The following GSTT4 variants were observed in gnomAD, a reference collection of about 807,000 sequenced individuals.
GSTT4 encodes the protein glutathione S-transferase theta-4.
chr22:24,002,902 A>T (rs80286321), intron 2 of GSTT4, among the ~76,000 whole-genome samples: 3,294 of 151,986 alleles, frequency 0.022, 8 homozygotes, highest in African/African-American at 0.076. Flanking sequence ...TTAGGAGATA[A>T]TCATAGAGTT....
the GSTT4 span, among the ~76,000 whole-genome samples, chr22:23,991,680 C>T: frequency 0.24 from 32,533 of 134,478 alleles, 1,159 homozygotes; most frequent in African/African-American, 0.43. Context: ...GCTCCTAGAA[C>T]TTTGGGTCAA....
chr22:23,995,147 T>G (rs59741715), downstream of GSTT4, among the ~76,000 whole-genome samples: 27,533 of 151,788 alleles, frequency 0.18, 2,729 homozygotes, highest in African/African-American at 0.25. Context: ...GTTTGTTTTT[T>G]TTTTGAGTCA....
chr22:23,995,226 G>A (rs890727864), downstream of GSTT4, among the ~76,000 whole-genome samples: 2 of 150,394 alleles, frequency 1.3e-5, no homozygotes, highest in African/African-American at 4.9e-5. Flanking sequence ...TCTGCTTCCC[G>A]GATTCAAGCG....
downstream of GSTT4, among the ~76,000 whole-genome samples, chr22:23,997,522 C>G (rs2034128743): frequency 6.6e-6 from 1 of 152,056 alleles, no homozygotes; most frequent in Admixed American, 6.6e-5. Flanking sequence ...TGCACCCAGC[C>G]TCCACTTTCT....
chr22:23,995,128 T>TTTGG (rs1464039719), downstream of GSTT4, among the ~76,000 whole-genome samples: 11 of 151,084 alleles, frequency 7.3e-5, no homozygotes, highest in African/African-American at 2.7e-4. Context: ...ACAAGTTTTT[T>TTTGG]TTTTGTTTGT....
chr22:24,003,379 T>G (rs8141242), intron 2 of GSTT4, among the ~76,000 whole-genome samples: 24,886 of 152,060 alleles, frequency 0.16, 2,090 homozygotes, highest in African/African-American at 0.19. Context: ...CTGGCTAATT[T>G]TTGTATTTTT....
At chr22:24,004,657 A>G (rs1056997204) in intron 1 of GSTT4, 6 of 154,152 alleles carry the variant, frequency 3.9e-5, no homozygotes, top group Admixed American at 1.3e-4. Context: ...GAATCCCACA[A>G]GGAAGCCAGG....
chr22:23,990,963 G>C, the GSTT4 span, among the ~76,000 whole-genome samples: 18 of 101,472 alleles, frequency 1.8e-4, 4 homozygotes, highest in Non-Finnish European at 3.7e-4. Flanking sequence ...TTGAGCCCAG[G>C]AGTTCTAGGC....
chr22:24,003,158 T>TA (rs1555896444), intron 2 of GSTT4, among the ~76,000 whole-genome samples: 3 of 105,832 alleles, frequency 2.8e-5, no homozygotes, highest in Non-Finnish European at 4.3e-5. Flanking sequence ...TTGTTTGTTT[T>TA]AAGAACTCTT....
chr22:23,991,938 A>G, the GSTT4 span, among the ~76,000 whole-genome samples: 1 of 140,796 alleles, frequency 7.1e-6, no homozygotes, highest in African/African-American at 2.6e-5. Flanking sequence ...CTGTAGTCCC[A>G]GCTACTCGGG....
At chr22:24,002,766 G>A (rs2146232969) in intron 2 of GSTT4, among the ~76,000 whole-genome samples, 1 of 50,514 alleles carries the variant, frequency 2.0e-5, no homozygotes, top group East Asian at 3.7e-4. Context: ...GGGAGGCGGA[G>A]CTTGCAGTGA....
downstream of GSTT4, among the ~76,000 whole-genome samples, chr22:23,995,863 TTTAA>T (rs1328278264): frequency 1.3e-5 from 2 of 152,170 alleles, no homozygotes; most frequent in Admixed American, 6.5e-5. Context: ...GAAGTGTGGT[TTTAA>T]TTTTGTTTTT....
At chr22:23,990,417 C>G in the GSTT4 span, among the ~76,000 whole-genome samples, 2 of 80,632 alleles carry the variant, frequency 2.5e-5, no homozygotes, top group African/African-American at 4.2e-5. Context: ...CAAGGTCAGC[C>G]TGGTCTACAT....
the GSTT4 span, among the ~76,000 whole-genome samples, chr22:23,992,567 TA>T: frequency 6.6e-6 from 1 of 151,152 alleles, no homozygotes; most frequent in Non-Finnish European, 1.5e-5. Flanking sequence ...GCACTTGGTT[TA>T]AAGCTTTGCT....
chr22:23,993,589 T>C (rs1184013761), downstream of GSTT4, among the ~76,000 whole-genome samples: 1 of 152,176 alleles, frequency 6.6e-6, no homozygotes, highest in African/African-American at 2.4e-5. Flanking sequence ...GACTGCAAGG[T>C]ATGTTTTTTT....
downstream of GSTT4, among the ~76,000 whole-genome samples, chr22:23,997,103 T>C (rs988296987): frequency 2.6e-5 from 4 of 152,126 alleles, no homozygotes; most frequent in Non-Finnish European, 4.4e-5. Context: ...ATCTAGGTTG[T>C]CTAAATTGTC....
chr22:24,002,303 T>C (rs139036771), intron 2 of GSTT4, among the ~76,000 whole-genome samples: 256 of 152,134 alleles, frequency 1.7e-3, no homozygotes, highest in African/African-American at 5.8e-3. Context: ...TCGGGAAGGT[T>C]GTGGTGTCTG....
intron 2 of GSTT4, among the ~76,000 whole-genome samples, chr22:24,002,419 G>A (rs958307528): frequency 1.7e-3 from 264 of 152,306 alleles, no homozygotes; most frequent in Non-Finnish European, 2.9e-3. Flanking sequence ...GGGAACCTCC[G>A]CAGAACAAGG....
chr22:24,002,613 G>T (rs562822797), intron 2 of GSTT4, among the ~76,000 whole-genome samples: 3 of 152,200 alleles, frequency 2.0e-5, no homozygotes, highest in African/African-American at 7.2e-5. Flanking sequence ...GGGGGATCAT[G>T]GGGTCAGGAG....
Sources: gnomAD v4.1 joint callset for allele counts (sites outside exome capture counted in the v4.1 genomes callset) on GRCh38, gnomAD v4.1.1 for gene constraint, MANE v1.5 for transcripts, NCBI Gene and HGNC (gene_info 2026-07-23, HGNC 2026-07-21) for gene names.